CFAP263: variants seen among roughly 807,000 people sequenced by gnomAD.
CFAP263 encodes the protein cilia and flagella associated protein 263, also known as cilia- and flagella-associated protein 263.
the CFAP263 span, among the ~76,000 whole-genome samples, chr16:58,263,299 G>C: frequency 4.6e-5 from 7 of 152,164 alleles, no homozygotes; most frequent in African/African-American, 1.4e-4. Flanking sequence ...ACCAAATGAA[G>C]CAAAATTGGT....
chr16:58,274,047 C>T, the CFAP263 span, among the ~76,000 whole-genome samples: 2 of 152,250 alleles, frequency 1.3e-5, no homozygotes. Context: ...ATTGGCATCA[C>T]ACTCAGCCAT....
the CFAP263 span, among the ~76,000 whole-genome samples, chr16:58,251,580 T>TG: frequency 3.3e-5 from 5 of 152,086 alleles, no homozygotes; most frequent in South Asian, 2.1e-4. Context: ...TTAGTAGAGA[T>TG]GGGGTTTCAC....
chr16:58,274,136 C>G, the CFAP263 span, among the ~76,000 whole-genome samples: 1 of 152,206 alleles, frequency 6.6e-6, no homozygotes, highest in Non-Finnish European at 1.5e-5. Flanking sequence ...ACATTCTGAT[C>G]CAATTAAAGT....
the CFAP263 span, chr16:58,262,653 G>A: frequency 4.2e-6 from 4 of 958,314 alleles, no homozygotes; most frequent in African/African-American, 3.3e-5. Flanking sequence ...GTGCCCCCTC[G>A]CTGTCAAGCC....
the CFAP263 span, chr16:58,278,606 G>T: frequency 1.1e-5 from 17 of 1,614,108 alleles, no homozygotes; most frequent in Non-Finnish European, 1.4e-5. Flanking sequence ...AAGAGCATCA[G>T]GATGTGGGAA....
the CFAP263 span, among the ~76,000 whole-genome samples, chr16:58,270,768 C>A: frequency 2.0e-5 from 3 of 151,944 alleles, no homozygotes; most frequent in African/African-American, 7.3e-5. Context: ...GTTTTATAAT[C>A]GATTTTGAGT....
chr16:58,278,446 G>A, the CFAP263 span: 3 of 1,603,324 alleles, frequency 1.9e-6, no homozygotes, highest in Non-Finnish European at 2.6e-6. Context: ...AGAGCTGCTG[G>A]GGTTCCCTGG....
At chr16:58,264,551 G>C in the CFAP263 span, among the ~76,000 whole-genome samples, 1 of 152,172 alleles carries the variant, frequency 6.6e-6, no homozygotes, top group Non-Finnish European at 1.5e-5. Context: ...TCTGCTGCGG[G>C]AGGTGCTTCA....
At chr16:58,262,258 T>A in the CFAP263 span, 1 of 826,614 alleles carries the variant, frequency 1.2e-6, no homozygotes, top group Non-Finnish European at 1.9e-6. Context: ...AGATGCCCAA[T>A]ATGTGTTTGC....
the CFAP263 span, among the ~76,000 whole-genome samples, chr16:58,264,075 A>G: frequency 9.2e-5 from 14 of 152,346 alleles, no homozygotes; most frequent in African/African-American, 3.4e-4. Flanking sequence ...AAGTACGTAG[A>G]AAACAATGTG....
the CFAP263 span, among the ~76,000 whole-genome samples, chr16:58,268,258 C>A: frequency 6.6e-6 from 1 of 152,180 alleles, no homozygotes; most frequent in African/African-American, 2.4e-5. Flanking sequence ...ATTTACCTCT[C>A]TCATTACTTT....
At chr16:58,278,664 G>A in the CFAP263 span, 1 of 1,610,602 alleles carries the variant, frequency 6.2e-7, no homozygotes, top group Non-Finnish European at 8.5e-7. Context: ...CCCAAGATGG[G>A]CAGTCTTTTA....
the CFAP263 span, chr16:58,250,198 G>A: frequency 1.5e-4 from 111 of 758,658 alleles, 1 homozygote; most frequent in Admixed American, 1.4e-3. Context: ...GGACCAGCAT[G>A]GAGAAGATCC....
At chr16:58,273,478 A>G in the CFAP263 span, among the ~76,000 whole-genome samples, 1 of 152,102 alleles carries the variant, frequency 6.6e-6, no homozygotes, top group African/African-American at 2.4e-5. Flanking sequence ...TCCTGTGGTG[A>G]CTTTTTCATT....
the CFAP263 span, among the ~76,000 whole-genome samples, chr16:58,268,175 C>T: frequency 2.6e-5 from 4 of 152,288 alleles, no homozygotes; most frequent in East Asian, 7.7e-4. Flanking sequence ...GTCCTGGGCT[C>T]ACTCCAAGGC....
the CFAP263 span, among the ~76,000 whole-genome samples, chr16:58,258,107 C>CAA: frequency 2.1e-3 from 170 of 82,268 alleles, 2 homozygotes; most frequent in East Asian, 7.5e-3. Flanking sequence ...GACTCTGTCT[C>CAA]AAAAAAAAAA....
chr16:58,266,676 G>T, the CFAP263 span, among the ~76,000 whole-genome samples: 1 of 151,674 alleles, frequency 6.6e-6, no homozygotes. Flanking sequence ...CTTTCCCTTG[G>T]CCCACTCCTC....
chr16:58,251,156 C>T, the CFAP263 span, among the ~76,000 whole-genome samples: 2 of 152,136 alleles, frequency 1.3e-5, no homozygotes, highest in Non-Finnish European at 2.9e-5. Context: ...ATGTACCATG[C>T]ATTTACATAT....
chr16:58,276,664 C>G, the CFAP263 span, among the ~76,000 whole-genome samples: 1 of 152,240 alleles, frequency 6.6e-6, no homozygotes, highest in African/African-American at 2.4e-5. Context: ...GTTTATCCTA[C>G]TGATTCACTT....
Sources: gnomAD v4.1 joint callset for allele counts (sites outside exome capture counted in the v4.1 genomes callset) on GRCh38, gnomAD v4.1.1 for gene constraint, MANE v1.5 for transcripts, NCBI Gene and HGNC (gene_info 2026-07-23, HGNC 2026-07-21) for gene names.